SORCS1: variants seen among roughly 807,000 people sequenced by gnomAD.
SORCS1 encodes the protein sortilin related VPS10 domain containing receptor 1.
In SORCS1, 60 loss-of-function variants were observed where a neutral mutation model predicts 146.1. That is an observed-to-expected ratio of 0.41 (90% CI 0.33 to 0.51). The LOEUF is 0.51. Ranked by LOEUF, SORCS1 falls within the 20% of genes least tolerant of loss-of-function variation. The pLI is 0.21. For synonymous variants in SORCS1, 637 were observed against 584.0 expected, an observed-to-expected ratio of 1.09 and a Z score of -1.31; for missense variants, 1,352 against 1,487.6, an observed-to-expected ratio of 0.91 and a Z score of 1.50.
intron 2 of SORCS1, among the ~76,000 whole-genome samples, chr10:106,834,663 C>G (rs1948709414): frequency 6.6e-6 from 1 of 152,042 alleles, no homozygotes; most frequent in Non-Finnish European, 1.5e-5. Flanking sequence ...AAAGTGACTA[C>G]TGTTGTAATA....
At chr10:107,130,041 G>A (rs997428578) in intron 1 of SORCS1, among the ~76,000 whole-genome samples, 105 of 152,128 alleles carry the variant, frequency 6.9e-4, no homozygotes, top group African/African-American at 2.4e-3. Flanking sequence ...TATATTCTAG[G>A]GAAAAAGAAC....
chr10:106,800,102 G>A (rs1474127883), intron 3 of SORCS1, among the ~76,000 whole-genome samples: 2 of 152,096 alleles, frequency 1.3e-5, no homozygotes, highest in Non-Finnish European at 2.9e-5. Context: ...ACTTAGACCA[G>A]GCTCTTGATT....
chr10:106,626,660 A>C (rs1402023964), intron 19 of SORCS1, among the ~76,000 whole-genome samples: 9 of 152,238 alleles, frequency 5.9e-5, no homozygotes, highest in Non-Finnish European at 1.2e-4. Context: ...AAAGGCCAGA[A>C]GTCTGTTATG....
At chr10:107,015,839 C>T (rs1000668287) in intron 1 of SORCS1, among the ~76,000 whole-genome samples, 3 of 152,068 alleles carry the variant, frequency 2.0e-5, no homozygotes, top group Non-Finnish European at 4.4e-5. Flanking sequence ...ATACCTAAGT[C>T]AAAATAGACT....
intron 5 of SORCS1, among the ~76,000 whole-genome samples, chr10:106,745,352 A>G (rs1857648150): frequency 1.3e-5 from 2 of 151,962 alleles, no homozygotes; most frequent in South Asian, 4.2e-4. Flanking sequence ...TGGAGCTTGC[A>G]ATAAGCGGAG....
rs116445058 is a variant in SORCS1 at position 107,035,476 on chromosome 10, T to G, written c.559-78896A>C. Among the ~76,000 whole-genome samples, 1,149 of 152,208 alleles carry G rather than the reference T, an allele frequency of 7.5e-3. 8 individuals carry two copies. Among genetic ancestry groups the G allele is most frequent in the African/African-American group, 0.025 (1,047 of 41,510 alleles). On this transcript the variant is annotated intron_variant, in intron 1 of 25. Transcript: ENST00000263054. ...CAACGCCATACCAGCAGAACCATGC[T>G]TTTGCAGAATGGAGTGAAAAAACTC...
At chr10:106,990,503 C>A (rs1434357817) in intron 1 of SORCS1, among the ~76,000 whole-genome samples, 1 of 152,146 alleles carries the variant, frequency 6.6e-6, no homozygotes, top group Non-Finnish European at 1.5e-5. Flanking sequence ...CTCCTGACCT[C>A]AAGTGATCTG....
chr10:106,895,154 T>G (rs944721109), intron 2 of SORCS1, among the ~76,000 whole-genome samples: 7 of 152,200 alleles, frequency 4.6e-5, no homozygotes, highest in Non-Finnish European at 8.8e-5. Context: ...CAAGTCCGTT[T>G]TGTGCTTTCT....
intron 1 of SORCS1, among the ~76,000 whole-genome samples, chr10:107,053,398 G>A (rs55745418): frequency 0.011 from 1,640 of 152,166 alleles, 16 homozygotes; most frequent in South Asian, 0.029. Context: ...AACAATCCAC[G>A]GGTCACAATT....
At chr10:106,851,519 A>G (rs184755639) in intron 2 of SORCS1, among the ~76,000 whole-genome samples, 123 of 152,236 alleles carry the variant, frequency 8.1e-4, no homozygotes, top group Non-Finnish European at 1.0e-3. Context: ...CTATATTTAT[A>G]TTGTTCTATG....
intron 1 of SORCS1, among the ~76,000 whole-genome samples, chr10:107,031,879 C>T (rs1564949224): frequency 6.6e-6 from 1 of 152,204 alleles, no homozygotes; most frequent in Admixed American, 6.5e-5. Flanking sequence ...CCATTCCCAA[C>T]TTTTCTTCAC....
At chr10:106,657,072 T>A (rs1176378220) in intron 17 of SORCS1, among the ~76,000 whole-genome samples, 1 of 152,116 alleles carries the variant, frequency 6.6e-6, no homozygotes, top group Non-Finnish European at 1.5e-5. Context: ...TAAAATTAGA[T>A]CTACCATTCA....
At chr10:106,903,186 A>T (rs1418563753) in intron 2 of SORCS1, among the ~76,000 whole-genome samples, 1 of 152,200 alleles carries the variant, frequency 6.6e-6, no homozygotes, top group South Asian at 2.1e-4. Flanking sequence ...TCCTTTCTCC[A>T]TTTTAATGTT....
intron 24 of SORCS1, among the ~76,000 whole-genome samples, chr10:106,591,586 C>T (rs762903248): frequency 6.6e-6 from 1 of 152,066 alleles, no homozygotes; most frequent in African/African-American, 2.4e-5. Context: ...TTGTTAAGCA[C>T]CTGATATGTG....
chr10:106,847,790 G>A (rs1949363009), intron 2 of SORCS1, among the ~76,000 whole-genome samples: 1 of 126,666 alleles, frequency 7.9e-6, no homozygotes, highest in Admixed American at 8.0e-5. Context: ...TTGTGTCTTT[G>A]TTCTCGTTGG....
intron 1 of SORCS1, among the ~76,000 whole-genome samples, chr10:107,141,612 G>A (rs1329074562): frequency 3.9e-5 from 6 of 152,156 alleles, no homozygotes; most frequent in Non-Finnish European, 7.3e-5. Flanking sequence ...GAAGTCCCAC[G>A]CAGAGTGCAG....
intron 2 of SORCS1, among the ~76,000 whole-genome samples, chr10:106,852,607 G>C (rs1949629389): frequency 7.6e-6 from 1 of 130,934 alleles, no homozygotes; most frequent in Non-Finnish European, 1.6e-5. Context: ...CAGCCTGGGT[G>C]ACAGAGCGAG....
At position 107,157,227 on chromosome 10, in the gene SORCS1, G is replaced by A. The variant is rs191188536; in HGVS notation, c.558+6742C>T. 2.6e-5 allele frequency among the ~76,000 whole-genome samples: 4 copies of A among 152,168 alleles called. No homozygotes were observed. The East Asian group carries it at 7.7e-4, about 29-fold the overall frequency. ...CAAACTACAAGGCTAGGGAGCAGCT[G>A]TGTTCTAACTCTTGCCTGTGATGGG... On this transcript the variant is annotated intron_variant, in intron 1 of 25. Coordinates refer to ENST00000263054, the MANE Select transcript of SORCS1 (RefSeq NM_052918.5).
At chr10:107,058,491 C>G (rs944516806) in intron 1 of SORCS1, among the ~76,000 whole-genome samples, 1 of 152,104 alleles carries the variant, frequency 6.6e-6, no homozygotes, top group African/African-American at 2.4e-5. Flanking sequence ...AAAGAAATTA[C>G]CTTGACTATA....
Sources: gnomAD v4.1 joint callset for allele counts (sites outside exome capture counted in the v4.1 genomes callset) on GRCh38, gnomAD v4.1.1 for gene constraint, MANE v1.5 for transcripts, NCBI Gene and HGNC (gene_info 2026-07-23, HGNC 2026-07-21) for gene names.